Variants in ADCY3 observed in about 807,000 individuals in gnomAD.
ADCY3 encodes adenylate cyclase 3, also known as adenylate cyclase type 3.
A neutral mutation model predicts 119.4 loss-of-function variants in ADCY3; 70 were observed. The ratio of observed to expected loss-of-function variants is 0.59; its 90% CI spans 0.48 to 0.72. The LOEUF is 0.72. Among genes scored for constraint, ADCY3 ranks in the 30% least tolerant of loss-of-function variants. The pLI, the probability that ADCY3 is intolerant of heterozygous loss-of-function variation, is 0.00. For synonymous variants in ADCY3, 672 were observed against 621.4 expected (o/e 1.08, Z -1.21); for missense variants, 1,238 against 1,541.6 (o/e 0.80, Z 3.30).
intron 2 of ADCY3, among the ~76,000 whole-genome samples, chr2:24,896,963 TCA>T (rs1245727083): frequency 6.6e-6 from 1 of 152,174 alleles, no homozygotes; most frequent in Non-Finnish European, 1.5e-5. Context: ...TTCCAAGGAA[TCA>T]CAGTCCACCA....
chr2:24,825,996 G>A, intron 16 of ADCY3, 49 bp downstream of exon 16: 2 of 1,574,914 alleles, frequency 1.3e-6, no homozygotes, highest in South Asian at 1.1e-5. Flanking sequence ...TTCTCAGGAG[G>A]CCCTGTGGGC....
intron 16 of ADCY3, 84 bp from the exon 17 acceptor site, chr2:24,824,620 G>A (rs941093326): frequency 1.8e-5 from 26 of 1,478,464 alleles, no homozygotes; most frequent in East Asian, 6.9e-5. Flanking sequence ...CAGGCGTGGC[G>A]GTTCATGCCT....
chr2:24,824,242 G>T, intron 17 of ADCY3, 136 bp downstream of exon 17: 1 of 1,084,750 alleles, frequency 9.2e-7, no homozygotes, highest in Non-Finnish European at 1.3e-6. Context: ...ATTTGTGTTT[G>T]CTGTTTAGGT....
At position 24,830,185 on chromosome 2, in the gene ADCY3, T is replaced by C. The variant is rs1394076887; in HGVS notation, c.2172+524A>G. ...CCTCCCAAGTAGCTGGGATTACAGG[T>C]GTGCACCACCATGCCTGGCTAATTT... is the stretch of plus-strand genomic sequence containing the variant. On this transcript the variant is annotated intron_variant, in intron 13 of 21. Coordinates refer to ENST00000679454, the MANE Select transcript of ADCY3 (RefSeq NM_004036.5). 1.6e-4 allele frequency among the ~76,000 whole-genome samples: 24 copies of C among 150,974 alleles called. 1 individual carries two copies. Among genetic ancestry groups the C allele is most frequent in the African/African-American group, 5.4e-4 (22 of 40,890 alleles).
intron 16 of ADCY3, chr2:24,825,810 T>G: frequency 1.8e-6 from 1 of 559,710 alleles, no homozygotes; most frequent in Non-Finnish European, 3.2e-6. Flanking sequence ...TTCACTCCCA[T>G]GCTTCCTTCA....
chr2:24,889,744 G>A (rs977041624), intron 2 of ADCY3, among the ~76,000 whole-genome samples: 10 of 152,384 alleles, frequency 6.6e-5, no homozygotes, highest in South Asian at 2.1e-4. Flanking sequence ...GCTGAGGCAG[G>A]AGAATCGCTT....
chr2:24,893,191 C>T (rs1327136748), intron 2 of ADCY3, among the ~76,000 whole-genome samples: 3 of 151,986 alleles, frequency 2.0e-5, no homozygotes, highest in African/African-American at 7.3e-5. Flanking sequence ...ATACCATCAC[C>T]CCCAGCTAAT....
rs904565659 is a variant in ADCY3, at chr2:24,872,428, A to C, written c.825+142T>G. 15 of 1,047,784 alleles carry C rather than the reference A, an allele frequency of 1.4e-5. No individual in the cohort carries two copies. In the South Asian group the frequency reaches 2.1e-4, roughly 14 times the overall value. The allele number at this position is 1,047,784 out of a possible 1,614,324, so 64.9% of individuals were successfully genotyped here. Reference sequence around the variant, plus strand: ...TAATAGTGAGGAGCCCAGAAGACAAAGTTCAGAAGCAAACACCTGAACAGG... The same window carrying C: ...TAATAGTGAGGAGCCCAGAAGACAACGTTCAGAAGCAAACACCTGAACAGG... On this transcript the variant is annotated intron_variant, in intron 3 of 21. Transcript: ENST00000679454. The surrounding 1 kb of genome is among the most constrained non-coding windows in gnomAD (Gnocchi z 4.4).
intron 7 of ADCY3, chr2:24,838,850 C>T: frequency 6.2e-7 from 1 of 1,606,442 alleles, no homozygotes; most frequent in Non-Finnish European, 8.5e-7. Context: ...CACTTACTCC[C>T]ATCTCAGCCT....
rs1277244684 is a variant in ADCY3, at chr2:24,825,352, G to T, written c.2577+693C>A. Reference sequence around the variant, plus strand: ...GTTGTGGCGGGGGGGGGGGGGGTGCGGGGGGGGTGTCTCACTTTGTCACCC... The same window carrying T: ...GTTGTGGCGGGGGGGGGGGGGGTGCTGGGGGGGTGTCTCACTTTGTCACCC... On this transcript the variant is annotated intron_variant, in intron 16 of 21. Coordinates refer to ENST00000679454, the MANE Select transcript of ADCY3 (RefSeq NM_004036.5). Among the ~76,000 whole-genome samples the T allele has an allele frequency of 7.2e-5, 2 of 27,676 alleles. 1 individual carries two copies. 18.2% of individuals were successfully genotyped at this position (27,676 alleles called of 152,430 possible).
rs1235670762 is a variant in ADCY3 at position 24,819,771 on chromosome 2, C to A, written c.*161G>T. On this transcript the variant is annotated 3_prime_UTR_variant, in exon 22 of 22. Coordinates refer to ENST00000679454, the MANE Select transcript of ADCY3 (RefSeq NM_004036.5). The stretch of plus-strand genomic sequence containing the variant: ...CAGGCACACACAGGAATAGCAGGGC[C>A]ACCCTCAGAGCTCACACATCCACGA... 7 of 738,860 alleles carry A rather than the reference C, an allele frequency of 9.5e-6. No homozygotes were observed. The highest frequency in any genetic ancestry group is 1.3e-5 in the Non-Finnish European group (6 of 453,370). The allele number at this position is 738,860 out of a possible 1,614,324, so 45.8% of individuals were successfully genotyped here. A position where few individuals can be genotyped will look rare whatever the true frequency, so the allele number is the denominator to read the frequency against.
At chr2:24,877,860 G>A (rs1414501716) in intron 2 of ADCY3, 2 of 470,636 alleles carry the variant, frequency 4.2e-6, no homozygotes, top group Non-Finnish European at 8.8e-6. Context: ...CTGGGCCCAA[G>A]GGCAACAGCT....
At chr2:24,911,703 G>C (rs576191841) in intron 2 of ADCY3, among the ~76,000 whole-genome samples, 2 of 148,052 alleles carry the variant, frequency 1.4e-5, no homozygotes, top group South Asian at 4.3e-4. Context: ...TTTTTTGGTG[G>C]TTGTGTACGT....
chr2:24,894,983 T>C (rs1359091908), intron 2 of ADCY3, among the ~76,000 whole-genome samples: 1 of 152,220 alleles, frequency 6.6e-6, no homozygotes, highest in Non-Finnish European at 1.5e-5. Flanking sequence ...TGTTCCTCTC[T>C]ATGTCGTGTG....
intron 3 of ADCY3, among the ~76,000 whole-genome samples, chr2:24,857,548 ATTAAGT>A (rs1054440905): frequency 1.3e-5 from 2 of 152,240 alleles, no homozygotes; most frequent in Non-Finnish European, 2.9e-5. Context: ...TTTCTAATTA[ATTAAGT>A]TTAATTTAAA....
chr2:24,822,312 G>T, intron 19 of ADCY3, 199 bp downstream of exon 19: 1 of 687,490 alleles, frequency 1.5e-6, no homozygotes, highest in Non-Finnish European at 2.4e-6. Context: ...ACAGCAGGGG[G>T]TTGTGTGTCT....
At chr2:24,883,137 CAG>C (rs1253907891) in intron 2 of ADCY3, among the ~76,000 whole-genome samples, 10 of 152,062 alleles carry the variant, frequency 6.6e-5, no homozygotes, top group Non-Finnish European at 1.5e-4. Context: ...ATCACGAGGT[CAG>C]GAGTTCAAGA....
intron 2 of ADCY3, among the ~76,000 whole-genome samples, chr2:24,884,726 C>T (rs536722246): frequency 1.2e-4 from 19 of 152,238 alleles, no homozygotes; most frequent in African/African-American, 4.6e-4. Flanking sequence ...ATCTGCCCGC[C>T]TTGGCCTCCC....
chr2:24,875,070 T>C (rs13410999), intron 2 of ADCY3, among the ~76,000 whole-genome samples: 81,815 of 152,046 alleles, frequency 0.54, 24,582 homozygotes, highest in African/African-American at 0.83. Context: ...CTCAGTGCTG[T>C]TCACTCGATA....
Sources: allele counts gnomAD v4.1 joint callset (sites outside exome capture counted in the v4.1 genomes callset), GRCh38; gene constraint gnomAD v4.1.1; non-coding constraint Gnocchi (gnomAD v3.1); transcripts MANE v1.5; gene names NCBI Gene and HGNC (gene_info 2026-07-23, HGNC 2026-07-21).